Variants in DISP2 observed in about 807,000 individuals in gnomAD.
DISP2 encodes protein dispatched homolog 2.
Under a neutral mutation model 95.5 loss-of-function variants are expected in DISP2, and 59 were observed. The ratio of observed to expected loss-of-function variants is 0.62; its 90% CI spans 0.50 to 0.77. The LOEUF is 0.77. DISP2 is among the 30% of genes least tolerant of loss of function. The pLI is 0.00. For synonymous variants in DISP2, 827 were observed against 815.0 expected (o/e 1.01, Z -0.25); for missense variants, 1,752 against 1,854.6 (o/e 0.94, Z 1.02).
chr15:40,364,722 C>A, intron 4 of DISP2, 116 bp from the exon 5 acceptor site: 1 of 1,391,100 alleles, frequency 7.2e-7, no homozygotes, highest in Non-Finnish European at 9.8e-7. Context: ...ATCCACAATT[C>A]AGGCAGGCGG....
Position 40,358,264 on chromosome 15 carries a change from C to CCGT in DISP2, c.-56_-55insTCG. The stretch of plus-strand genomic sequence containing the variant: ...GCCGCTGCCGCCGCCACCGCCGCCG[C>CCGT]CGCCGCCGCCGCCGCGGCTTCAGCA... On this transcript the variant is annotated 5_prime_UTR_variant, in exon 1 of 8. Coordinates refer to ENST00000267889, the MANE Select transcript of DISP2 (RefSeq NM_033510.3). 1 of 1,186,346 alleles carries CCGT rather than the reference C, an allele frequency of 8.4e-7. No homozygotes were observed. Among genetic ancestry groups the CCGT allele is most frequent in the Non-Finnish European group, 1.0e-6 (1 of 960,676 alleles). 73.5% of individuals were successfully genotyped at this position (1,186,346 alleles called of 1,614,324 possible).
rs757539443 is a variant in DISP2 at position 40,368,565 on chromosome 15, G to A, written c.2453G>A (p.Arg818Gln). The change falls in exon 8 of 8, where the codon CGG (arginine) becomes CAG (glutamine). Residue 818 changes from arginine (R) to glutamine (Q), a missense_variant. Coordinates refer to ENST00000267889, the MANE Select transcript of DISP2 (RefSeq NM_033510.3). The part of the protein sequence containing the change: ...AQRWLLALCH[R>Q]ARNQSFFDTL... ...CGCTGGCTGCTGGCACTCTGTCACCGGGCCCGGAATCAGAGCTTCTTCGAC... is the reference window on the plus strand; with the variant it reads ...CGCTGGCTGCTGGCACTCTGTCACCAGGCCCGGAATCAGAGCTTCTTCGAC... The A allele has an allele frequency of 2.4e-5, 39 of 1,604,130 alleles. No homozygotes were observed. The South Asian group carries it at 2.7e-4, about 11-fold the overall frequency.
chr15:40,361,922 G>T (rs1889412150), intron 1 of DISP2, among the ~76,000 whole-genome samples: 1 of 152,214 alleles, frequency 6.6e-6, no homozygotes, highest in Non-Finnish European at 1.5e-5. Context: ...GGCTCTGCAA[G>T]GCTGACCAGT....
intron 7 of DISP2, among the ~76,000 whole-genome samples, chr15:40,366,188 A>G (rs1264390062): frequency 6.6e-6 from 1 of 152,264 alleles, no homozygotes; most frequent in African/African-American, 2.4e-5. Context: ...TCACACGAGG[A>G]TATCCCAAGT....
In DISP2 at chr15:40,369,144, A is replaced by T. The variant is rs1272618705; in HGVS notation, c.3032A>T (p.Glu1011Val). ...ACTGTAGGACTCCTGGTTCTCCTCG[A>T]GTGGCAGCTCAACACTGCCGAGGCC... Reference protein sequence around the residue: ...LLTVGLLVLLEWQLNTAEALF... With the variant: ...LLTVGLLVLLVWQLNTAEALF... Residue 1011 changes from glutamate (E) to valine (V), a missense_variant, in exon 8 of 8, where the codon GAG becomes GTG. Glu to Val is a moderately radical substitution (Grantham distance 121). Coordinates refer to ENST00000267889, the MANE Select transcript of DISP2 (RefSeq NM_033510.3). 1.2e-6 allele frequency: 2 copies of T among 1,613,774 alleles called. No homozygotes were observed. Among genetic ancestry groups the T allele is most frequent in the Non-Finnish European group, 1.7e-6 (2 of 1,180,042 alleles).
rs527844877 is a variant in DISP2, at chr15:40,370,595, C to A, written c.*277C>A. 1.2e-5 allele frequency: 8 copies of A among 650,708 alleles called. No homozygotes were observed. In the African/African-American group the frequency reaches 1.2e-4, roughly 10 times the overall value. The allele number at this position is 650,708 out of a possible 1,614,324, so 40.3% of individuals were successfully genotyped here. On this transcript the variant is annotated 3_prime_UTR_variant, in exon 8 of 8. Transcript: ENST00000267889. ...CCCACAGCACCATCTAAGACCCCTCCTCTAGAAGTGGGGAAGGCCAGATGT... is the reference window on the plus strand; with the variant it reads ...CCCACAGCACCATCTAAGACCCCTCATCTAGAAGTGGGGAAGGCCAGATGT...
In DISP2 at chr15:40,363,871, C is replaced by T; in HGVS notation, c.366C>T (p.Ser122=). 6.3e-7 allele frequency: 1 copy of T among 1,599,644 alleles called. No homozygotes were observed. The highest frequency in any genetic ancestry group is 1.3e-5 in the African/African-American group (1 of 74,838). ...GGGCAGCTCTCTGCTCCCACGGCTCCAGCCTCAGCCCTTCTCCAGCCCCCT... is the reference window on the plus strand; with the variant it reads ...GGGCAGCTCTCTGCTCCCACGGCTCTAGCCTCAGCCCTTCTCCAGCCCCCT... ...GDRAALCSHG[S]SLSPSPAPSQ... Residue 122 remains serine (S), a synonymous_variant, in exon 2 of 8, where the codon TCC becomes TCT. Transcript: ENST00000267889.
At chr15:40,365,782 T>A in intron 7 of DISP2, 57 bp downstream of exon 7, 1 of 1,546,298 alleles carries the variant, frequency 6.5e-7, no homozygotes, top group Non-Finnish European at 8.9e-7. Context: ...ATGAGGGAAC[T>A]GATCCCAAGG....
At chr15:40,359,827 C>G (rs1242333727) in intron 1 of DISP2, among the ~76,000 whole-genome samples, 3 of 152,240 alleles carry the variant, frequency 2.0e-5, no homozygotes, top group Non-Finnish European at 2.9e-5. Context: ...GATAGATACA[C>G]AGTGAATAAC....
chr15:40,364,031 G>A, intron 2 of DISP2, 77 bp downstream of exon 2: 1 of 1,493,582 alleles, frequency 6.7e-7, no homozygotes, highest in East Asian at 2.3e-5. Flanking sequence ...GACTGCCGGG[G>A]CTCTAGACTC....
At position 40,376,843 on chromosome 15, in the gene DISP2, A is replaced by G. The variant is rs1235115817; in HGVS notation, c.*6525A>G. ...AAGAAGAATTTAAACTGAAAGTGAG[A>G]TGGTTGACACAGGATACATATTAAC... On this transcript the variant is annotated 3_prime_UTR_variant, in exon 8 of 8. Transcript: ENST00000267889. The G allele has an allele frequency of 6.6e-6, 1 of 152,192 alleles. No homozygotes were observed. The highest frequency in any genetic ancestry group is 1.5e-5 in the Non-Finnish European group (1 of 68,034). The allele number at this position is 152,192 out of a possible 1,614,324, so 9.4% of individuals were successfully genotyped here.
In DISP2 at chr15:40,364,939, C is replaced by T; in HGVS notation, c.705C>T (p.Asp235=). ...GGAAGCTGCTTTTCCTTTCCCCAGA[C>T]CTTGAGCTGAACAGGTAACAGGCTC... ...GPRKLLFLSP[D]LELNSSSSHN... Residue 235 remains aspartate, a synonymous_variant, in exon 5 of 8, where the codon GAC becomes GAT. Transcript: ENST00000267889. The T allele has an allele frequency of 6.2e-7, 1 of 1,614,110 alleles. No individual in the cohort carries two copies. The highest frequency in any genetic ancestry group is 2.2e-5 in the East Asian group (1 of 44,882).
chr15:40,375,462 T>C lies in DISP2; in HGVS notation c.*5144T>C, dbSNP rs1193434662. On this transcript the variant is annotated 3_prime_UTR_variant, in exon 8 of 8. Coordinates refer to ENST00000267889, the MANE Select transcript of DISP2 (RefSeq NM_033510.3). ...TATTCATTCTAGCTACTAGTTTTGATTATTTGTATTGACTCTTTTATATTT... is the reference window on the plus strand; with the variant it reads ...TATTCATTCTAGCTACTAGTTTTGACTATTTGTATTGACTCTTTTATATTT... 6.6e-6 allele frequency: 1 copy of C among 152,138 alleles called. No individual in the cohort carries two copies. Among genetic ancestry groups the C allele is most frequent in the Non-Finnish European group, 1.5e-5 (1 of 68,034 alleles). 9.4% of individuals were successfully genotyped at this position (152,138 alleles called of 1,614,324 possible). A position where few individuals can be genotyped will look rare whatever the true frequency, so the allele number is the denominator to read the frequency against.
chr15:40,371,045 T>G lies in DISP2; in HGVS notation c.*727T>G, dbSNP rs1398605917. On this transcript the variant is annotated 3_prime_UTR_variant, in exon 8 of 8. Coordinates refer to ENST00000267889, the MANE Select transcript of DISP2 (RefSeq NM_033510.3). Reference sequence around the variant, plus strand: ...GTGTTAATAAACAGTAATAATCCTTTCCATCTCTGCACATTTTAGTCTCCT... The same window carrying G: ...GTGTTAATAAACAGTAATAATCCTTGCCATCTCTGCACATTTTAGTCTCCT... The G allele has an allele frequency of 5.8e-6, 1 of 172,088 alleles. No homozygotes were observed. The highest frequency in any genetic ancestry group is 1.5e-4 in the East Asian group (1 of 6,580). The allele number at this position is 172,088 out of a possible 1,614,324, so 10.7% of individuals were successfully genotyped here.
At position 40,376,971 on chromosome 15, in the gene DISP2, A is replaced by T. The variant is rs1889738113; in HGVS notation, c.*6653A>T. The T allele has an allele frequency of 6.6e-6, 1 of 152,230 alleles. No individual in the cohort carries two copies. Among genetic ancestry groups the T allele is most frequent in the African/African-American group, 2.4e-5 (1 of 41,470 alleles). 9.4% of individuals were successfully genotyped at this position (152,230 alleles called of 1,614,324 possible). On this transcript the variant is annotated 3_prime_UTR_variant, in exon 8 of 8. Coordinates refer to ENST00000267889, the MANE Select transcript of DISP2 (RefSeq NM_033510.3). ...AGGATAGTCTTTGCAAGTAGGATGT[A>T]TGGTGGACATTTTCCCTAAAATGGA...
Position 40,367,362 on chromosome 15 carries a change from A to T in DISP2, c.1250A>T (p.Asp417Val). The change falls in exon 8 of 8, where the codon GAC (aspartate) becomes GTC (valine). Residue 417 changes from aspartate (D) to valine (V), a missense_variant. Physicochemically the swap from Asp to Val is radical, Grantham distance 152. Coordinates refer to ENST00000267889, the MANE Select transcript of DISP2 (RefSeq NM_033510.3). ...AIYQLLHFLL[D>V]RDFLSPQTTD... ...TACCAACTCCTGCACTTTCTGCTTG[A>T]CAGGGACTTTCTGAGTCCCCAGACC... is the stretch of plus-strand genomic sequence containing the variant. 1 of 1,613,340 alleles carries T rather than the reference A, an allele frequency of 6.2e-7. No homozygotes were observed. Among genetic ancestry groups the T allele is most frequent in the African/African-American group, 1.3e-5 (1 of 74,718 alleles).
rs1369223210 is a variant in DISP2, at chr15:40,369,201, T to C, written c.3089T>C (p.Val1030Ala). Residue 1030 changes from valine to alanine, a missense_variant, in exon 8 of 8, where the codon GTA becomes GCA. This residue lies in a region of DISP2 where 317 missense variants were observed against 394.9 expected (regional missense o/e 0.80). Transcript: ENST00000267889. The stretch of plus-strand genomic sequence containing the variant: ...CTCTCTGCCTCAGTGGGCCTCTCAG[T>C]AGACTTCACTGTCAACTACTGCATC... ...LFLSASVGLSVDFTVNYCISY... is the reference protein window; with the variant it reads ...LFLSASVGLSADFTVNYCISY... 6.2e-7 allele frequency: 1 copy of C among 1,613,818 alleles called. No homozygotes were observed. Among genetic ancestry groups the C allele is most frequent in the Non-Finnish European group, 8.5e-7 (1 of 1,180,044 alleles).
In DISP2 at chr15:40,375,336, G is replaced by A. The variant is rs1300225811; in HGVS notation, c.*5018G>A. On this transcript the variant is annotated 3_prime_UTR_variant, in exon 8 of 8. Coordinates refer to ENST00000267889, the MANE Select transcript of DISP2 (RefSeq NM_033510.3). ...ATCCACAACCATCAAACAAACAAGA[G>A]CTTTAATATTGCTAAAGAAAATCAC... is the stretch of plus-strand genomic sequence containing the variant. The A allele has an allele frequency of 2.0e-5, 3 of 152,166 alleles. No individual in the cohort carries two copies. Among genetic ancestry groups the A allele is most frequent in the Non-Finnish European group, 2.9e-5 (2 of 68,036 alleles). 9.4% of individuals were successfully genotyped at this position (152,166 alleles called of 1,614,324 possible).
In DISP2 at chr15:40,374,014, A is replaced by AAAAAAAAAAAAAAAAAATATATATAT; in HGVS notation, c.*3697_*3698insAAAAAAAAAAAAAAAATATATATATA. 3.8e-5 allele frequency: 4 copies of AAAAAAAAAAAAAAAAAATATATATAT among 104,202 alleles called. No homozygotes were observed. The highest frequency in any genetic ancestry group is 1.7e-4 in the African/African-American group (4 of 23,988). The allele number at this position is 104,202 out of a possible 1,614,324, so 6.5% of individuals were successfully genotyped here. On this transcript the variant is annotated 3_prime_UTR_variant, in exon 8 of 8. Coordinates refer to ENST00000267889, the MANE Select transcript of DISP2 (RefSeq NM_033510.3). ...GCGAGACTCCATCTTAAAAAAAAAA[A>AAAAAAAAAAAAAAAAAATATATATAT]ATATATATATATATATATGTAAACT...
Sources: gnomAD v4.1 joint callset for allele counts (sites outside exome capture counted in the v4.1 genomes callset) on GRCh38, gnomAD v4.1.1 for gene constraint, gnomAD v4.1.1 regional missense constraint, MANE v1.5 for transcripts, NCBI Gene and HGNC (gene_info 2026-07-23, HGNC 2026-07-21) for gene names.